PHACTR1: variants seen among roughly 807,000 people sequenced by gnomAD.
PHACTR1 encodes RPEL repeat containing 1.
PHACTR1 carries 16 observed loss-of-function variants against 69.2 expected under a neutral mutation model. The ratio of observed to expected loss-of-function variants is 0.23; its 90% CI spans 0.16 to 0.35. The LOEUF (loss-of-function observed/expected upper bound fraction) is 0.35, where lower values mean the gene tolerates loss of function less well. PHACTR1 is among the 10% of genes least tolerant of loss of function. The pLI is 1.00. For missense variants in PHACTR1, 510 were observed against 734.7 expected (o/e 0.69, Z 3.54); for synonymous variants, 312 against 284.5 (o/e 1.10, Z -0.97).
intron 4 of PHACTR1, among the ~76,000 whole-genome samples, chr6:12,875,820 C>G (rs1026421558): frequency 3.3e-5 from 5 of 152,062 alleles, no homozygotes; most frequent in Admixed American, 6.6e-5. Flanking sequence ...CTAAATGTGA[C>G]CATGTGACAA....
At chr6:12,996,321 A>G (rs1223379882) in intron 4 of PHACTR1, among the ~76,000 whole-genome samples, 1 of 152,186 alleles carries the variant, frequency 6.6e-6, no homozygotes, top group Non-Finnish European at 1.5e-5. Flanking sequence ...AAATAGGCAA[A>G]TCTCTGGCAA....
At chr6:12,919,669 T>A (rs1787421330) in intron 4 of PHACTR1, among the ~76,000 whole-genome samples, 1 of 152,222 alleles carries the variant, frequency 6.6e-6, no homozygotes, top group African/African-American at 2.4e-5. Context: ...TCTGGTACAC[T>A]TGGCATTCCT....
intron 5 of PHACTR1, among the ~76,000 whole-genome samples, chr6:13,140,406 G>A (rs1822257731): frequency 6.6e-6 from 1 of 151,936 alleles, no homozygotes; most frequent in South Asian, 2.1e-4. Flanking sequence ...ACAGATGAAT[G>A]GATTTTAAAA....
chr6:12,739,654 T>C (rs1378330323), intron 3 of PHACTR1, among the ~76,000 whole-genome samples: 1 of 152,156 alleles, frequency 6.6e-6, no homozygotes, highest in African/African-American at 2.4e-5. Flanking sequence ...TCCTCCCGTC[T>C]CAGCCTCACC....
At chr6:12,860,509 C>A (rs190296696) in intron 4 of PHACTR1, among the ~76,000 whole-genome samples, 2 of 152,226 alleles carry the variant, frequency 1.3e-5, no homozygotes, top group Middle Eastern at 3.4e-3. Flanking sequence ...TGGGTATATA[C>A]CCAGTAATGG....
intron 13 of PHACTR1, 43 bp from the exon 14 acceptor site, chr6:13,286,103 G>A: frequency 6.6e-7 from 1 of 1,522,592 alleles, no homozygotes; most frequent in South Asian, 1.3e-5. Context: ...GTTTTTTTCT[G>A]TCTCTCTCCC....
chr6:13,178,041 G>A (rs1020697562), intron 6 of PHACTR1, among the ~76,000 whole-genome samples: 9 of 152,188 alleles, frequency 5.9e-5, no homozygotes, highest in African/African-American at 2.2e-4. Context: ...AGTAAGGCTG[G>A]CACAATCTTG....
chr6:12,742,573 G>A (rs1467877516), intron 3 of PHACTR1, among the ~76,000 whole-genome samples: 1 of 152,130 alleles, frequency 6.6e-6, no homozygotes, highest in Non-Finnish European at 1.5e-5. Flanking sequence ...TTCTGGGAAT[G>A]CAGCCTGGTA....
chr6:13,050,501 C>A (rs1170294079), intron 4 of PHACTR1, among the ~76,000 whole-genome samples: 2 of 152,144 alleles, frequency 1.3e-5, no homozygotes, highest in Non-Finnish European at 2.9e-5. Context: ...CATTTTTGAT[C>A]CCACTTCTTC....
intron 10 of PHACTR1, among the ~76,000 whole-genome samples, chr6:13,271,839 A>G (rs1777802939): frequency 6.6e-6 from 1 of 152,112 alleles, no homozygotes; most frequent in Non-Finnish European, 1.5e-5. Flanking sequence ...TTAGATTTCA[A>G]GATGTGAACA....
intron 4 of PHACTR1, among the ~76,000 whole-genome samples, chr6:12,912,824 C>T (rs763045353): frequency 1.3e-5 from 2 of 151,990 alleles, no homozygotes; most frequent in Non-Finnish European, 2.9e-5. Context: ...TGTGGTGGTG[C>T]GTGCCTGTAG....
chr6:13,249,732 G>A (rs557991145), intron 10 of PHACTR1, among the ~76,000 whole-genome samples: 2 of 149,986 alleles, frequency 1.3e-5, no homozygotes, highest in South Asian at 4.2e-4. Context: ...CTGGGAGGCG[G>A]AGGTTGCAGT....
chr6:13,194,654 A>T (rs1448282356), intron 7 of PHACTR1, among the ~76,000 whole-genome samples: 1 of 152,186 alleles, frequency 6.6e-6, no homozygotes, highest in East Asian at 1.9e-4. Flanking sequence ...GAAGATTTTA[A>T]ATGTTTTCAC....
Position 12,906,352 on chromosome 6 carries a change from T to G in PHACTR1, c.251-147013T>G, listed in dbSNP as rs186771196. On this transcript the variant is annotated intron_variant, in intron 4 of 14. Transcript: ENST00000332995. Reference sequence around the variant, plus strand: ...TCCTATGATCATAGAGCTAGAGTGCTCAAGGGGTCAGCCTTTTCTCCCTCC... The same window carrying G: ...TCCTATGATCATAGAGCTAGAGTGCGCAAGGGGTCAGCCTTTTCTCCCTCC... Among the ~76,000 whole-genome samples the G allele has an allele frequency of 3.0e-3, 455 of 152,328 alleles. 1 individual carries two copies. Among genetic ancestry groups the G allele is most frequent in the Non-Finnish European group, 5.2e-3 (352 of 68,022 alleles).
chr6:13,147,449 G>C (rs1001510981), intron 5 of PHACTR1, among the ~76,000 whole-genome samples: 4 of 152,178 alleles, frequency 2.6e-5, no homozygotes, highest in Non-Finnish European at 5.9e-5. Flanking sequence ...TCCAAATTCA[G>C]AATCCTTACT....
At chr6:13,063,084 T>G (rs1807931023) in intron 5 of PHACTR1, among the ~76,000 whole-genome samples, 1 of 152,184 alleles carries the variant, frequency 6.6e-6, no homozygotes, top group African/African-American at 2.4e-5. Context: ...CTGTTGGACT[T>G]CTATAAACTA....
chr6:13,092,895 T>G (rs1345730655), intron 5 of PHACTR1, among the ~76,000 whole-genome samples: 1 of 152,254 alleles, frequency 6.6e-6, no homozygotes, highest in Non-Finnish European at 1.5e-5. Flanking sequence ...CCTGAGGGAT[T>G]CTGGCAGGAA....
chr6:12,749,692 C>A lies in PHACTR1; in HGVS notation c.152C>A (p.Ser51Ter). Residue 51 changes from serine (S) to a stop codon, truncating the protein, a stop_gained, in exon 4 of 15, where the codon TCG (serine) becomes TAG (stop). Transcript: ENST00000332995. LOFTEE classifies it high-confidence loss of function. ...LLPPTLMAAS[S>*]EDDIDRRPIR... is the part of the protein sequence containing the mutation. ...CCTCCCACATTAATGGCGGCATCCTCGGAGGATGATATAGACCGGCGGCCC... is the reference window on the plus strand; with the variant it reads ...CCTCCCACATTAATGGCGGCATCCTAGGAGGATGATATAGACCGGCGGCCC... The A allele has an allele frequency of 6.2e-7, 1 of 1,612,296 alleles. No homozygotes were observed. Among genetic ancestry groups the A allele is most frequent in the Non-Finnish European group, 8.5e-7 (1 of 1,179,606 alleles).
chr6:13,192,940 G>C (rs9369918), intron 7 of PHACTR1, among the ~76,000 whole-genome samples: 10,372 of 152,192 alleles, frequency 0.068, 979 homozygotes, highest in East Asian at 0.51. Context: ...CCAGTTCTAA[G>C]TTCTGCCATA....
Sources: gnomAD v4.1 joint callset for allele counts (sites outside exome capture counted in the v4.1 genomes callset) on GRCh38, gnomAD v4.1.1 for gene constraint, MANE v1.5 for transcripts, NCBI Gene and HGNC (gene_info 2026-07-23, HGNC 2026-07-21) for gene names.